The following RALGDS variants were observed in gnomAD, a reference collection of about 807,000 sequenced individuals.
RALGDS encodes ral guanine nucleotide exchange factor.
A neutral mutation model predicts 99.8 loss-of-function variants in RALGDS; 44 were observed. The observed-to-expected ratio is 0.44, with a 90% confidence interval of 0.35 to 0.57. The LOEUF is 0.57. RALGDS is among the 20% of genes least tolerant of loss of function. The pLI is 0.01. For synonymous variants in RALGDS, 529 were observed against 505.0 expected (o/e 1.05, Z -0.64); for missense variants, 1,022 against 1,203.1 (o/e 0.85, Z 2.23).
Position 133,103,742 on chromosome 9 carries a change from C to T in RALGDS, c.1758+5G>A. 1 of 1,613,164 alleles carries T rather than the reference C, an allele frequency of 6.2e-7. No individual in the cohort carries two copies. On this transcript the variant is annotated splice_donor_5th_base_variant and intron_variant, in intron 11 of 17. Transcript: ENST00000372050. ...CCCTACTCCAGCCCCGCCCGGCACACTCACATACAGATAGTCCTTCATGGC... is the reference window on the plus strand; with the variant it reads ...CCCTACTCCAGCCCCGCCCGGCACATTCACATACAGATAGTCCTTCATGGC...
intron 16 of RALGDS, chr9:133,101,107 G>T: frequency 8.9e-7 from 1 of 1,129,408 alleles, no homozygotes. Context: ...AGGGCTCCCA[G>T]CCTGGTTGCC....
chr9:133,112,799 T>G (rs1054381594), intron 1 of RALGDS, among the ~76,000 whole-genome samples: 1 of 152,200 alleles, frequency 6.6e-6, no homozygotes, highest in Non-Finnish European at 1.5e-5. Flanking sequence ...TCCCAGCCAC[T>G]TCCTTCCCCT....
chr9:133,148,984 C>T, exon 1 of RALGDS: 1 of 1,591,702 alleles, frequency 6.3e-7, no homozygotes, highest in Non-Finnish European at 8.5e-7. Flanking sequence ...CCATCATCCT[C>T]AGCCTCGGTG....
chr9:133,136,421 T>G (rs1832427030), intron 1 of RALGDS, among the ~76,000 whole-genome samples: 1 of 151,340 alleles, frequency 6.6e-6, no homozygotes, highest in African/African-American at 2.4e-5. Context: ...GTGAATCACT[T>G]GAGCTCAGGA....
chr9:133,135,481 T>C (rs896639351), upstream of RALGDS, among the ~76,000 whole-genome samples: 1 of 152,152 alleles, frequency 6.6e-6, no homozygotes, highest in Non-Finnish European at 1.5e-5. Flanking sequence ...GCCGCTCCCA[T>C]TGGCTTTGAG....
Position 133,102,495 on chromosome 9 carries a change from T to C in RALGDS, c.1990A>G (p.Ile664Val). 2 of 1,614,092 alleles carry C rather than the reference T, an allele frequency of 1.2e-6. No individual in the cohort carries two copies. The highest frequency in any genetic ancestry group is 1.7e-5 in the Admixed American group (1 of 60,030). ...CCTTACTCGCTCCAGCGCTTGACAA[T>C]GGCTGTGTTCTTCTTGGTCCTGAGG... ...NTLRTKKNTA[I>V]VKRWSDRQAP... Residue 664 changes from isoleucine (I) to valine (V), a missense_variant, in exon 14 of 18, where the codon ATT (isoleucine) becomes GTT (valine). Coordinates refer to ENST00000372050, the MANE Select transcript of RALGDS (RefSeq NM_006266.4).
At chr9:133,130,450 A>T (rs1287786224) in intron 1 of RALGDS, among the ~76,000 whole-genome samples, 1 of 152,108 alleles carries the variant, frequency 6.6e-6, no homozygotes, top group Non-Finnish European at 1.5e-5. Context: ...GGGGTGGGGG[A>T]TGCCAATGGT....
intron 11 of RALGDS, 75 bp from the exon 12 acceptor site, chr9:133,103,337 T>TCTTG: frequency 6.3e-7 from 1 of 1,576,296 alleles, no homozygotes; most frequent in Non-Finnish European, 8.7e-7. Context: ...CATGCTGCAC[T>TCTTG]ATCAAGAGTG....
chr9:133,106,297 C>T (rs760252312), intron 8 of RALGDS, among the ~76,000 whole-genome samples: 3 of 152,038 alleles, frequency 2.0e-5, no homozygotes, highest in East Asian at 1.9e-4. Context: ...GGCCAGATGT[C>T]GACTCATTGC....
In RALGDS at chr9:133,112,028, C is replaced by G; in HGVS notation, c.294+14G>C. On this transcript the variant is annotated intron_variant, in intron 2 of 17. Transcript: ENST00000372050. ...CCAGCTGCGTCTCCCAGTGGAGACC[C>G]CGAGCGCACTCACCCCGAGCCAGCG... 6.4e-7 allele frequency: 1 copy of G among 1,554,722 alleles called. No individual in the cohort carries two copies. The highest frequency in any genetic ancestry group is 1.2e-5 in the South Asian group (1 of 84,720).
chr9:133,114,167 G>T (rs149517227), intron 1 of RALGDS, among the ~76,000 whole-genome samples: 20 of 152,330 alleles, frequency 1.3e-4, no homozygotes, highest in Middle Eastern at 3.4e-3. Context: ...CAGCCGGGTG[G>T]TGGGGAAGGA....
chr9:133,102,002 C>A lies in RALGDS; in HGVS notation c.2147G>T (p.Ser716Ile). The change falls in exon 15 of 18, where the codon AGC (serine) becomes ATC (isoleucine). Residue 716 changes from serine to isoleucine, a missense_variant. Physicochemically the swap from Ser to Ile is moderately radical, Grantham distance 142. Coordinates refer to ENST00000372050, the MANE Select transcript of RALGDS (RefSeq NM_006266.4). ...ALSVHSAGSSSSDVEEINISF... is the reference protein window; with the variant it reads ...ALSVHSAGSSISDVEEINISF... Reference sequence around the variant, plus strand: ...GATGTTGATCTCCTCCACGTCGGAGCTAGAGGAGCCGGCCGAGTGCACGCT... The same window carrying A: ...GATGTTGATCTCCTCCACGTCGGAGATAGAGGAGCCGGCCGAGTGCACGCT... 1 of 1,552,400 alleles carries A rather than the reference C, an allele frequency of 6.4e-7. No homozygotes were observed. Among genetic ancestry groups the A allele is most frequent in the Non-Finnish European group, 8.7e-7 (1 of 1,147,552 alleles).
At chr9:133,125,886 G>A (rs560363867), upstream of RALGDS, among the ~76,000 whole-genome samples, 1 of 152,190 alleles carries the variant, frequency 6.6e-6, no homozygotes, top group African/African-American at 2.4e-5. Flanking sequence ...TGTGGGCACA[G>A]GGGTCACTGA....
intron 1 of RALGDS, among the ~76,000 whole-genome samples, chr9:133,139,363 T>C (rs556598047): frequency 6.6e-6 from 1 of 152,216 alleles, no homozygotes; most frequent in East Asian, 1.9e-4. Flanking sequence ...AAACACCTCA[T>C]GGAGTCCTGA....
At chr9:133,132,785 A>G (rs1832361930), upstream of RALGDS, among the ~76,000 whole-genome samples, 1 of 152,116 alleles carries the variant, frequency 6.6e-6, no homozygotes, top group South Asian at 2.1e-4. Flanking sequence ...GATAACAGGC[A>G]TGCGGCACCA....
At chr9:133,109,293 G>A (rs118070731) in intron 4 of RALGDS, among the ~76,000 whole-genome samples, 2,179 of 152,308 alleles carry the variant, frequency 0.014, 24 homozygotes, top group Non-Finnish European at 0.022. Context: ...TGAGGGGTGA[G>A]GCAATGTGAG....
chr9:133,137,608 C>T (rs1025028542), intron 1 of RALGDS, among the ~76,000 whole-genome samples: 1 of 152,236 alleles, frequency 6.6e-6, no homozygotes, highest in African/African-American at 2.4e-5. Flanking sequence ...GAGGCAGAGG[C>T]AAGCCAGGCG....
chr9:133,105,938 G>C lies in RALGDS; in HGVS notation c.1596C>G (p.Leu532=). 6.3e-7 allele frequency: 1 copy of C among 1,580,562 alleles called. No individual in the cohort carries two copies. The highest frequency in any genetic ancestry group is 8.6e-7 in the Non-Finnish European group (1 of 1,165,614). ...CAGCCTGCCGCCACTCCACCTTGAT[G>C]AGCAGCTCCCGGCTCAATGAGTAGT... ...ENNYSLSREL[L]IKEGTSKFAT... is the part of the protein sequence containing the mutation. The change falls in exon 9 of 18, where the codon CTC becomes CTG. Residue 532 remains leucine (L), a synonymous_variant. Coordinates refer to ENST00000372050, the MANE Select transcript of RALGDS (RefSeq NM_006266.4).
rs561888919 is a variant in RALGDS at position 133,108,821 on chromosome 9, C to A, written c.630G>T (p.Glu210Asp). The A allele has an allele frequency of 2.0e-5, 33 of 1,613,130 alleles. No homozygotes were observed. Among genetic ancestry groups the A allele is most frequent in the African/African-American group, 2.7e-5 (2 of 74,918 alleles). The change falls in exon 5 of 18, where the codon GAG (glutamate) becomes GAT (aspartate). Residue 210 changes from glutamate (E) to aspartate (D), a missense_variant. Physicochemically the swap from Glu to Asp is conservative, Grantham distance 45. Around this residue, in one of 3 missense-constraint regions of RALGDS, gnomAD observed 825 missense variants for 994.5 expected, o/e 0.83. Transcript: ENST00000372050. ...ILGTWLDQYS[E>D]DFCQPPDFPC... is the part of the protein sequence containing the mutation. ...GAAAGTCCGGAGGTTGACAGAAATC[C>A]TCCGAGTACTGGTCCAGCCAGGTGC...
Sources: gnomAD v4.1 joint callset for allele counts (sites outside exome capture counted in the v4.1 genomes callset) on GRCh38, gnomAD v4.1.1 for gene constraint, gnomAD v4.1.1 regional missense constraint, MANE v1.5 for transcripts, NCBI Gene and HGNC (gene_info 2026-07-23, HGNC 2026-07-21) for gene names.